The following KLHL13 variants were observed in gnomAD, a reference collection of about 807,000 sequenced individuals.
KLHL13 encodes the protein kelch like family member 13, also known as kelch-like protein 13.
Under a neutral mutation model 37.1 loss-of-function variants are expected in KLHL13, and 10 were observed. That is an observed-to-expected ratio of 0.27 (90% CI 0.17 to 0.46). KLHL13 has a LOEUF of 0.46. Ranked by LOEUF, KLHL13 falls within the 20% of genes least tolerant of loss-of-function variation. KLHL13 has a pLI of 1.00. For synonymous variants in KLHL13, 163 were observed against 181.2 expected, an observed-to-expected ratio of 0.90 and a Z score of 0.81; for missense variants, 360 against 509.3, an observed-to-expected ratio of 0.71 and a Z score of 2.82.
At chrX:118,018,474 T>G (rs1205645515) in intron 1 of KLHL13, among the ~76,000 whole-genome samples, 1 of 111,867 alleles carries the variant, frequency 8.9e-6, no homozygotes, top group Non-Finnish European at 1.9e-5. Context: ...AATTACTACA[T>G]AGCAGACAAT....
At chrX:117,907,989 GA>G (rs1385074602) in intron 5 of KLHL13, among the ~76,000 whole-genome samples, 1 of 110,669 alleles carries the variant, frequency 9.0e-6, no homozygotes, top group Admixed American at 9.7e-5. Flanking sequence ...GAATTACTCT[GA>G]ACTTATCCAG....
intron 1 of KLHL13, among the ~76,000 whole-genome samples, chrX:118,069,147 A>ACACACACACC (rs1382307402): frequency 9.5e-6 from 1 of 105,556 alleles, no homozygotes; most frequent in African/African-American, 3.5e-5. Flanking sequence ...ACACACACAC[A>ACACACACACC]CCCTCACCTG....
chrX:118,020,940 A>G (rs1277789673), intron 1 of KLHL13, among the ~76,000 whole-genome samples: 5 of 87,989 alleles, frequency 5.7e-5, no homozygotes, highest in Non-Finnish European at 1.1e-4. Flanking sequence ...GAATTGAACA[A>G]TGAGAACACA....
At chrX:118,114,333 T>C (rs1290901120) in intron 1 of KLHL13, among the ~76,000 whole-genome samples, 1 of 112,230 alleles carries the variant, frequency 8.9e-6, no homozygotes, top group Non-Finnish European at 1.9e-5. Flanking sequence ...TCTGCTAACC[T>C]CTAGGTGTAC....
intron 1 of KLHL13, among the ~76,000 whole-genome samples, chrX:118,037,638 A>C (rs748407889): frequency 8.8e-4 from 98 of 111,066 alleles, no homozygotes; most frequent in Non-Finnish European, 1.5e-3. Flanking sequence ...AGATACACCT[A>C]ATGCTAGATG....
intron 4 of KLHL13, among the ~76,000 whole-genome samples, chrX:117,915,502 T>C (rs973905212): frequency 1.8e-5 from 2 of 111,495 alleles, no homozygotes; most frequent in African/African-American, 6.5e-5. Flanking sequence ...GTGAAACCAG[T>C]AATCTACCTG....
chrX:118,062,197 A>G (rs1489932238), intron 1 of KLHL13, among the ~76,000 whole-genome samples: 1 of 111,163 alleles, frequency 9.0e-6, no homozygotes, highest in African/African-American at 3.3e-5. Context: ...CTATCACAAT[A>G]TAGGAAATTA....
At chrX:117,944,437 C>A (rs1176274211) in intron 2 of KLHL13, among the ~76,000 whole-genome samples, 2 of 111,154 alleles carry the variant, frequency 1.8e-5, no homozygotes, top group Non-Finnish European at 3.8e-5. Context: ...GTATGCTAGT[C>A]AAGAGTCACA....
intron 4 of KLHL13, among the ~76,000 whole-genome samples, chrX:117,915,635 C>A (rs949456340): frequency 1.8e-5 from 2 of 112,156 alleles, no homozygotes; most frequent in African/African-American, 3.2e-5. Flanking sequence ...AAAGTGATTT[C>A]TTTCTCACCT....
intron 1 of KLHL13, among the ~76,000 whole-genome samples, chrX:118,089,701 C>T (rs146691460): frequency 3.2e-4 from 35 of 108,684 alleles, no homozygotes; most frequent in African/African-American, 1.1e-3. Context: ...CAGAATCTTA[C>T]GATATAATGC....
intron 1 of KLHL13, among the ~76,000 whole-genome samples, chrX:118,076,956 T>C (rs1391615121): frequency 9.2e-6 from 1 of 108,528 alleles, no homozygotes; most frequent in Non-Finnish European, 1.9e-5. Context: ...CACCCCTTGA[T>C]AGATAATCTC....
chrX:117,920,380 G>C lies in KLHL13; in HGVS notation c.241-10C>G, dbSNP rs750907985. The C allele has an allele frequency of 1.4e-5, 17 of 1,199,995 alleles. No individual in the cohort carries two copies. The highest frequency in any genetic ancestry group is 1.8e-5 in the Non-Finnish European group (16 of 891,190). On this transcript the variant is annotated splice_polypyrimidine_tract_variant and intron_variant, in intron 2 of 6. Transcript: ENST00000262820. ...GAAGCTGGTCAAAGCCCTACAACAA[G>C]AACATGAGTTGAGTCACTAATCAAG...
chrX:118,030,003 A>G (rs1192132214), intron 1 of KLHL13, among the ~76,000 whole-genome samples: 2 of 110,529 alleles, frequency 1.8e-5, no homozygotes, highest in African/African-American at 6.6e-5. Flanking sequence ...GAAAAAGAAA[A>G]AAGAAGTTAT....
intron 1 of KLHL13, among the ~76,000 whole-genome samples, chrX:118,100,797 T>C (rs1464929750): frequency 8.9e-6 from 1 of 111,744 alleles, no homozygotes; most frequent in Non-Finnish European, 1.9e-5. Context: ...CACTTTTATT[T>C]ATACATTGCC....
At chrX:117,949,211 A>T (rs1933465889) in intron 1 of KLHL13, among the ~76,000 whole-genome samples, 1 of 112,396 alleles carries the variant, frequency 8.9e-6, no homozygotes, top group Admixed American at 9.4e-5. Flanking sequence ...TATACTCTCA[A>T]AATTGCTAGT....
chrX:118,097,329 A>G (rs2055222757), intron 1 of KLHL13, among the ~76,000 whole-genome samples: 1 of 111,709 alleles, frequency 9.0e-6, no homozygotes, highest in East Asian at 2.8e-4. Flanking sequence ...CCCATTCACA[A>G]TTGCTTCAAA....
intron 1 of KLHL13, among the ~76,000 whole-genome samples, chrX:117,970,539 A>C (rs1018872985): frequency 1.7e-4 from 19 of 111,485 alleles, no homozygotes; most frequent in African/African-American, 6.2e-4. Context: ...CCAGTAATCT[A>C]ATTCAGTCTT....
At chrX:117,969,255 G>C (rs2053484167) in intron 1 of KLHL13, among the ~76,000 whole-genome samples, 1 of 111,431 alleles carries the variant, frequency 9.0e-6, no homozygotes. Context: ...GAAAAGAAAA[G>C]ATGAAAGGAT....
At chrX:118,027,517 TTTTTATC>T (rs2054287236) in intron 1 of KLHL13, among the ~76,000 whole-genome samples, 1 of 109,439 alleles carries the variant, frequency 9.1e-6, no homozygotes, top group Non-Finnish European at 1.9e-5. Context: ...TTGTTTTTTA[TTTTTATC>T]TTTTATTTCC....
Sources: gnomAD v4.1 joint callset for allele counts (sites outside exome capture counted in the v4.1 genomes callset) on GRCh38, gnomAD v4.1.1 for gene constraint, MANE v1.5 for transcripts, NCBI Gene and HGNC (gene_info 2026-07-23, HGNC 2026-07-21) for gene names.